Variants in RABGAP1L observed in about 807,000 individuals in gnomAD.
RABGAP1L encodes the protein RAB GTPase activating protein 1 like, also known as rab GTPase-activating protein 1-like.
A neutral mutation model predicts 137.7 loss-of-function variants in RABGAP1L; 63 were observed. The observed-to-expected ratio is 0.46, with a 90% confidence interval of 0.37 to 0.56. The LOEUF (loss-of-function observed/expected upper bound fraction) is 0.56. RABGAP1L is among the 20% of genes least tolerant of loss of function. The pLI is 0.00. For synonymous variants in RABGAP1L, 431 were observed against 433.7 expected (o/e 0.99, Z 0.08); for missense variants, 1,095 against 1,244.0 (o/e 0.88, Z 1.80).
chr1:174,656,710 AC>A (rs1180327465), intron 14 of RABGAP1L, among the ~76,000 whole-genome samples: 1 of 152,214 alleles, frequency 6.6e-6, no homozygotes, highest in East Asian at 1.9e-4. Flanking sequence ...TTGGTTACTG[AC>A]TTTTGTGAAC....
intron 19 of RABGAP1L, among the ~76,000 whole-genome samples, chr1:174,828,639 G>A (rs1379426562): frequency 6.7e-6 from 1 of 148,570 alleles, no homozygotes; most frequent in East Asian, 2.1e-4. Context: ...GCACAGAGAT[G>A]TTGTAAGAAT....
At chr1:174,674,409 G>C (rs332777) in intron 14 of RABGAP1L, among the ~76,000 whole-genome samples, 2 of 146,520 alleles carry the variant, frequency 1.4e-5, no homozygotes, top group Non-Finnish European at 3.0e-5. Flanking sequence ...CCTACAAAGG[G>C]CATGAACTCA....
chr1:174,348,661 T>TTAA (rs1485419381), intron 11 of RABGAP1L, among the ~76,000 whole-genome samples: 1 of 146,824 alleles, frequency 6.8e-6, no homozygotes, highest in Non-Finnish European at 1.5e-5. Flanking sequence ...GTGATGACTC[T>TTAA]TAACGAGCAT....
chr1:174,328,296 G>A (rs1680727044), intron 11 of RABGAP1L, among the ~76,000 whole-genome samples: 1 of 151,594 alleles, frequency 6.6e-6, no homozygotes, highest in South Asian at 2.1e-4. Context: ...CATATCTTAG[G>A]CTACAAAATA....
At chr1:174,945,889 A>C (rs779506653) in intron 19 of RABGAP1L, 5 of 152,100 alleles carry the variant, frequency 3.3e-5, no homozygotes, top group African/African-American at 4.8e-5. Context: ...CTTTTTTTTC[A>C]GAAGGCTGTG....
At chr1:174,534,691 C>T (rs1664742234) in intron 13 of RABGAP1L, among the ~76,000 whole-genome samples, 1 of 141,094 alleles carries the variant, frequency 7.1e-6, no homozygotes, top group Non-Finnish European at 1.5e-5. Flanking sequence ...AGGAGAATTG[C>T]TTGACCCTGG....
intron 19 of RABGAP1L, chr1:174,892,464 T>C (rs1267571863): frequency 2.2e-6 from 1 of 451,060 alleles, no homozygotes; most frequent in South Asian, 1.6e-5. Flanking sequence ...TTGTGCCAGC[T>C]TTTTCACCTT....
chr1:174,797,701 T>A (rs1245709973), intron 18 of RABGAP1L, among the ~76,000 whole-genome samples: 1 of 138,222 alleles, frequency 7.2e-6, no homozygotes, highest in East Asian at 2.2e-4. Flanking sequence ...TGTGTGTGTG[T>A]GTGTGGGGTG....
intron 18 of RABGAP1L, among the ~76,000 whole-genome samples, chr1:174,803,353 C>T (rs1688941416): frequency 6.6e-6 from 1 of 152,170 alleles, no homozygotes; most frequent in African/African-American, 2.4e-5. Flanking sequence ...TTAGATATTA[C>T]CACAAGGCCT....
intron 18 of RABGAP1L, among the ~76,000 whole-genome samples, chr1:174,787,558 T>C (rs1687546027): frequency 6.6e-6 from 1 of 152,136 alleles, no homozygotes. Flanking sequence ...ATGAGAAGTT[T>C]CATGAGGACA....
chr1:174,856,078 G>A (rs961948252), intron 19 of RABGAP1L, among the ~76,000 whole-genome samples: 3 of 152,160 alleles, frequency 2.0e-5, no homozygotes, highest in Admixed American at 6.5e-5. Flanking sequence ...CTGGCAGAGC[G>A]TAGCTTTTTC....
intron 18 of RABGAP1L, among the ~76,000 whole-genome samples, chr1:174,765,050 C>G (rs550745348): frequency 4.6e-5 from 7 of 152,286 alleles, no homozygotes; most frequent in African/African-American, 1.7e-4. Flanking sequence ...CTGTCCGTGT[C>G]AATCTCATCT....
At chr1:174,674,436 C>A (rs1572761396) in intron 14 of RABGAP1L, among the ~76,000 whole-genome samples, 2 of 149,578 alleles carry the variant, frequency 1.3e-5, no homozygotes, top group Non-Finnish European at 3.0e-5. Context: ...TTTATGGCTG[C>A]ATAGTATTCC....
At chr1:174,587,258 A>G (rs1669188313) in intron 13 of RABGAP1L, among the ~76,000 whole-genome samples, 1 of 126,508 alleles carries the variant, frequency 7.9e-6, no homozygotes, top group Non-Finnish European at 1.6e-5. Context: ...CTTTGGGTAT[A>G]TACCCAGTAA....
At chr1:174,986,660 A>G (rs891415860) in intron 24 of RABGAP1L, among the ~76,000 whole-genome samples, 1 of 152,246 alleles carries the variant, frequency 6.6e-6, no homozygotes, top group Non-Finnish European at 1.5e-5. Flanking sequence ...GAATTCAGCA[A>G]CATGGTATTT....
chr1:174,785,845 A>G (rs564760527), intron 18 of RABGAP1L, among the ~76,000 whole-genome samples: 1 of 152,276 alleles, frequency 6.6e-6, no homozygotes, highest in East Asian at 1.9e-4. Context: ...TTAGACTTTT[A>G]GTTCTTGAAT....
At chr1:174,875,336 G>A (rs1652903169) in intron 19 of RABGAP1L, among the ~76,000 whole-genome samples, 1 of 152,102 alleles carries the variant, frequency 6.6e-6, no homozygotes, top group African/African-American at 2.4e-5. Flanking sequence ...TTTTCTTTTG[G>A]GTTATAAGGG....
chr1:174,296,640 A>G (rs1377317244), intron 10 of RABGAP1L, among the ~76,000 whole-genome samples: 1 of 152,208 alleles, frequency 6.6e-6, no homozygotes, highest in Non-Finnish European at 1.5e-5. Context: ...CTGAAAGAAA[A>G]ATGAGAATTT....
intron 19 of RABGAP1L, chr1:174,892,459 C>G (rs1473580054): frequency 4.5e-6 from 2 of 447,812 alleles, no homozygotes; most frequent in African/African-American, 4.1e-5. Context: ...GTTATTTGTG[C>G]CAGCTTTTTC....
Sources: gnomAD v4.1 joint callset for allele counts (sites outside exome capture counted in the v4.1 genomes callset) on GRCh38, gnomAD v4.1.1 for gene constraint, MANE v1.5 for transcripts, NCBI Gene and HGNC (gene_info 2026-07-23, HGNC 2026-07-21) for gene names.